NPC1: variants seen among roughly 807,000 people sequenced by gnomAD.
NPC1 encodes the protein NPC intracellular cholesterol transporter 1, also known as Niemann-Pick C1 protein.
Under a neutral mutation model 140.4 loss-of-function variants are expected in NPC1, and 85 were observed. The ratio of observed to expected loss-of-function variants is 0.61; its 90% CI spans 0.51 to 0.72. The LOEUF (loss-of-function observed/expected upper bound fraction) is 0.72, where lower values mean the gene tolerates loss of function less well. NPC1 is among the 30% of genes least tolerant of loss of function. NPC1 has a pLI of 0.00. For synonymous variants in NPC1, 656 were observed against 624.8 expected (o/e 1.05, Z -0.74); for missense variants, 1,504 against 1,623.8 (o/e 0.93, Z 1.27).
intron 24 of NPC1, chr18:23,532,904 A>G (rs2058559332): frequency 1.0e-6 from 1 of 985,392 alleles, no homozygotes; most frequent in Non-Finnish European, 1.2e-6. Context: ...CCATAGAAGT[A>G]AAAGGATCAA....
downstream of NPC1, chr18:23,526,673 T>C (rs776428067): frequency 2.9e-5 from 47 of 1,614,018 alleles, no homozygotes; most frequent in Non-Finnish European, 3.9e-5. Context: ...CTTGAGCCCA[T>C]AGTAAATCTC....
intron 10 of NPC1, among the ~76,000 whole-genome samples, chr18:23,551,108 T>C (rs1291929277): frequency 6.6e-6 from 1 of 152,180 alleles, no homozygotes; most frequent in Non-Finnish European, 1.5e-5. Context: ...GTACAATTGG[T>C]TCTAAAGTGC....
At chr18:23,519,277 G>A (rs1025259153), downstream of NPC1, 7 of 1,007,248 alleles carry the variant, frequency 6.9e-6, no homozygotes, top group African/African-American at 9.6e-5. Context: ...CAGCACTTTG[G>A]GAGGCCAAGG....
chr18:23,581,376 A>C (rs775370580), intron 1 of NPC1, among the ~76,000 whole-genome samples: 12 of 152,230 alleles, frequency 7.9e-5, no homozygotes, highest in Non-Finnish European at 1.8e-4. Context: ...TAAGCTTGCT[A>C]AACACCAATA....
At chr18:23,569,146 A>C (rs1334006443) in intron 3 of NPC1, 148 bp from the exon 4 acceptor site, 1 of 645,794 alleles carries the variant, frequency 1.5e-6, no homozygotes, top group Admixed American at 2.8e-5. Flanking sequence ...TTCTAAACTT[A>C]AAACTTCATG....
intron 4 of NPC1, among the ~76,000 whole-genome samples, chr18:23,563,063 C>A (rs2059067083): frequency 6.6e-6 from 1 of 152,176 alleles, no homozygotes; most frequent in Non-Finnish European, 1.5e-5. Flanking sequence ...CCCTAAGCAA[C>A]CACTGAACTG....
intron 1 of NPC1, chr18:23,577,044 T>G (rs538084087): frequency 3.3e-5 from 5 of 152,380 alleles, no homozygotes; most frequent in African/African-American, 1.2e-4. Context: ...GTCAGGGTGC[T>G]GATTGGTGCG....
intron 14 of NPC1, 81 bp from the exon 15 acceptor site, chr18:23,541,514 C>CATA: frequency 6.3e-7 from 1 of 1,589,510 alleles, no homozygotes; most frequent in Non-Finnish European, 8.6e-7. Context: ...TGTGCATGTA[C>CATA]AGATACAAGG....
In NPC1 at chr18:23,586,455, A is replaced by C. The variant is rs899140460; in HGVS notation, c.-112T>G. On this transcript the variant is annotated 5_prime_UTR_variant, in exon 1 of 25. Coordinates refer to ENST00000269228, the MANE Select transcript of NPC1 (RefSeq NM_000271.5). ...GCACCCCGCGCAGGAGGAGCGGAGG[A>C]GCAGGAGCAGGCGCTGACCGCGGCA... is the stretch of plus-strand genomic sequence containing the variant. 1 of 1,488,182 alleles carries C rather than the reference A, an allele frequency of 6.7e-7. No individual in the cohort carries two copies. The highest frequency in any genetic ancestry group is 8.9e-7 in the Non-Finnish European group (1 of 1,126,004). The allele number at this position is 1,488,182 out of a possible 1,614,324, so 92.2% of individuals were successfully genotyped here.
At chr18:23,540,723 A>G (rs1161554886) in intron 16 of NPC1, among the ~76,000 whole-genome samples, 186 bp from the exon 17 acceptor site, 1 of 152,204 alleles carries the variant, frequency 6.6e-6, no homozygotes. Flanking sequence ...CCTGGGTGCA[A>G]ATCCTGACTC....
intron 24 of NPC1, chr18:23,533,063 C>T (rs1205578038): frequency 4.7e-5 from 35 of 746,914 alleles, no homozygotes; most frequent in Non-Finnish European, 6.1e-5. Context: ...GAGGAGCTGC[C>T]CTGCCTGCTG....
chr18:23,586,252 C>T (rs2059417280), intron 1 of NPC1, 35 bp downstream of exon 1: 5 of 1,529,884 alleles, frequency 3.3e-6, no homozygotes. Flanking sequence ...CCGCCACGTC[C>T]CCACAGGGCG....
At chr18:23,524,071 A>C in intron 1 of NPC1, 1 of 1,541,718 alleles carries the variant, frequency 6.5e-7, no homozygotes, top group Non-Finnish European at 9.0e-7. Flanking sequence ...TGTCATAAGT[A>C]CCAGCATTTG....
chr18:23,567,398 T>A lies in NPC1; in HGVS notation c.463+1425A>T, dbSNP rs553761463. On this transcript the variant is annotated intron_variant, in intron 4 of 24. Coordinates refer to ENST00000269228, the MANE Select transcript of NPC1 (RefSeq NM_000271.5). ...TTCTCTAATGACATAATGTTGAGCATCTCTTCTCATGTACTTATTTACCAC... is the reference window on the plus strand; with the variant it reads ...TTCTCTAATGACATAATGTTGAGCAACTCTTCTCATGTACTTATTTACCAC... Among the ~76,000 whole-genome samples the A allele has an allele frequency of 7.9e-5, 12 of 152,354 alleles. No homozygotes were observed. The South Asian group carries it at 2.3e-3, about 29-fold the overall frequency.
chr18:23,536,036 G>A (rs753885645), intron 21 of NPC1, among the ~76,000 whole-genome samples: 26 of 152,206 alleles, frequency 1.7e-4, no homozygotes, highest in Non-Finnish European at 2.8e-4. Context: ...TCTATCCTGA[G>A]ACACTACCTC....
downstream of NPC1, chr18:23,519,008 T>G (rs369095754): frequency 2.1e-5 from 34 of 1,613,418 alleles, no homozygotes; most frequent in Non-Finnish European, 2.9e-5. Flanking sequence ...TTTCCCTCTC[T>G]CTCTGATTTT....
At chr18:23,558,029 T>C (rs574850164) in intron 6 of NPC1, among the ~76,000 whole-genome samples, 2 of 152,232 alleles carry the variant, frequency 1.3e-5, no homozygotes, top group Non-Finnish European at 2.9e-5. Context: ...ATGATGTAAA[T>C]AACTGAGTAA....
Position 23,544,948 on chromosome 18 carries a change from C to CCCG in NPC1, c.1947+11_1947+12insCGG, listed in dbSNP as rs547107514. 1.9e-4 allele frequency: 265 copies of CCCG among 1,379,522 alleles called. 19 individuals are homozygous for CCCG. In the East Asian group the frequency reaches 2.8e-3, roughly 15 times the overall value. The allele number at this position is 1,379,522 out of a possible 1,614,324, so 85.5% of individuals were successfully genotyped here. A position where few individuals can be genotyped will look rare whatever the true frequency, so the allele number is the denominator to read the frequency against. On this transcript the variant is annotated intron_variant, in intron 12 of 24. Transcript: ENST00000269228. ...TAACCTCTAGAACATACACCACCCC[C>CCCG]CCCCGGCTTACCAGAAGCCTGCGAC...
At chr18:23,534,082 G>C (rs2058586588) in intron 23 of NPC1, 1 of 427,706 alleles carries the variant, frequency 2.3e-6, no homozygotes, top group South Asian at 2.2e-5. Flanking sequence ...TAAAGAGATA[G>C]GCTAAGCCAG....
Sources: gnomAD v4.1 joint callset for allele counts (sites outside exome capture counted in the v4.1 genomes callset) on GRCh38, gnomAD v4.1.1 for gene constraint, MANE v1.5 for transcripts, NCBI Gene and HGNC (gene_info 2026-07-23, HGNC 2026-07-21) for gene names.